Variants in MEIKIN observed in about 807,000 individuals in gnomAD.
MEIKIN encodes the protein meiotic kinetochore factor.
chr5:131,893,541 G>A (rs1445869307), intron 8 of MEIKIN, among the ~76,000 whole-genome samples: 1 of 152,188 alleles, frequency 6.6e-6, no homozygotes, highest in African/African-American at 2.4e-5. Flanking sequence ...GCACTTCCCG[G>A]GTGAGGCGAT....
chr5:131,826,121 C>G (rs1749605224), intron 11 of MEIKIN, among the ~76,000 whole-genome samples: 1 of 128,232 alleles, frequency 7.8e-6, no homozygotes, highest in Non-Finnish European at 1.6e-5. Flanking sequence ...GAGATGGGAT[C>G]TCGCTATATT....
At chr5:131,908,009 A>T (rs1751271389) in intron 8 of MEIKIN, among the ~76,000 whole-genome samples, 1 of 152,252 alleles carries the variant, frequency 6.6e-6, no homozygotes, top group Non-Finnish European at 1.5e-5. Context: ...AAATATTTAA[A>T]GAAGTACTAA....
At chr5:131,895,350 T>C (rs1272535273) in intron 8 of MEIKIN, among the ~76,000 whole-genome samples, 1 of 152,214 alleles carries the variant, frequency 6.6e-6, no homozygotes, top group Admixed American at 6.5e-5. Context: ...TAAAATTCTC[T>C]TTTTTCATTG....
chr5:131,871,404 C>T (rs1750495234), intron 9 of MEIKIN, among the ~76,000 whole-genome samples: 1 of 152,222 alleles, frequency 6.6e-6, no homozygotes, highest in Non-Finnish European at 1.5e-5. Context: ...TCATTGCTAG[C>T]ATAGCAGACT....
chr5:131,871,549 T>G (rs1580882225), intron 9 of MEIKIN, among the ~76,000 whole-genome samples: 1 of 152,338 alleles, frequency 6.6e-6, no homozygotes, highest in Non-Finnish European at 1.5e-5. Context: ...CCTGCCTGCC[T>G]CTGTAGGCTC....
At chr5:131,864,466 C>T (rs746807921) in intron 9 of MEIKIN, among the ~76,000 whole-genome samples, 39 of 152,172 alleles carry the variant, frequency 2.6e-4, no homozygotes, top group Non-Finnish European at 5.0e-4. Flanking sequence ...TTTATTTCTC[C>T]TTCATTGGTG....
At chr5:131,898,004 G>T (rs1304035956) in intron 8 of MEIKIN, among the ~76,000 whole-genome samples, 1 of 152,158 alleles carries the variant, frequency 6.6e-6, no homozygotes, top group Non-Finnish European at 1.5e-5. Flanking sequence ...AGAATTTTCT[G>T]CTTTTCTGCT....
chr5:131,866,095 A>G (rs1423065099), intron 9 of MEIKIN, among the ~76,000 whole-genome samples: 1 of 152,230 alleles, frequency 6.6e-6, no homozygotes. Flanking sequence ...TGGAGTGTGC[A>G]TGGCATGGCC....
At chr5:131,915,667 G>A (rs188693012) in intron 7 of MEIKIN, among the ~76,000 whole-genome samples, 49 of 152,268 alleles carry the variant, frequency 3.2e-4, no homozygotes, top group African/African-American at 1.2e-3. Flanking sequence ...GAGAAAATCC[G>A]AGATTCAGCA....
chr5:131,914,754 AC>A (rs1226932209), intron 7 of MEIKIN, among the ~76,000 whole-genome samples: 1 of 152,156 alleles, frequency 6.6e-6, no homozygotes, highest in Non-Finnish European at 1.5e-5. Flanking sequence ...TCTCTCCTCC[AC>A]ACCTTCCAGT....
intron 8 of MEIKIN, among the ~76,000 whole-genome samples, chr5:131,909,136 C>T (rs1580902278): frequency 6.6e-6 from 1 of 152,208 alleles, no homozygotes; most frequent in East Asian, 1.9e-4. Context: ...AATAACAAAA[C>T]TGAGAAATCA....
chr5:131,935,842 TA>T (rs1454162064), intron 4 of MEIKIN, among the ~76,000 whole-genome samples: 1 of 152,158 alleles, frequency 6.6e-6, no homozygotes, highest in Non-Finnish European at 1.5e-5. Context: ...CTGGAACACT[TA>T]AATTGACTGA....
At chr5:131,890,227 G>T (rs1417130996) in intron 8 of MEIKIN, among the ~76,000 whole-genome samples, 1 of 152,176 alleles carries the variant, frequency 6.6e-6, no homozygotes. Flanking sequence ...AATGATTTAG[G>T]GAGGATTCCC....
intron 11 of MEIKIN, among the ~76,000 whole-genome samples, chr5:131,839,621 T>C (rs914923407): frequency 6.6e-6 from 1 of 152,224 alleles, no homozygotes; most frequent in Non-Finnish European, 1.5e-5. Flanking sequence ...CTTGTCTTTT[T>C]TGATCTTTGT....
At chr5:131,863,765 T>C (rs79460695) in intron 9 of MEIKIN, among the ~76,000 whole-genome samples, 4,061 of 152,144 alleles carry the variant, frequency 0.027, 187 homozygotes, top group African/African-American at 0.091. Flanking sequence ...GAGAGATAAC[T>C]GAATCATGGG....
chr5:131,848,814 T>A (rs1489590839), intron 11 of MEIKIN, among the ~76,000 whole-genome samples: 1 of 152,162 alleles, frequency 6.6e-6, no homozygotes, highest in African/African-American at 2.4e-5. Flanking sequence ...TTAAAATTAT[T>A]ATAGGCCACA....
At chr5:131,872,542 G>T (rs182215005) in intron 9 of MEIKIN, among the ~76,000 whole-genome samples, 1 of 152,300 alleles carries the variant, frequency 6.6e-6, no homozygotes, top group East Asian at 1.9e-4. Flanking sequence ...TGAAAGTGAC[G>T]GGGAGAATGG....
intron 10 of MEIKIN, among the ~76,000 whole-genome samples, chr5:131,853,442 C>T (rs1167384406): frequency 6.6e-6 from 1 of 152,080 alleles, no homozygotes; most frequent in Admixed American, 6.6e-5. Context: ...CTTGATGACA[C>T]TGGATTTGAT....
At chr5:131,910,659 T>C (rs1280588372) in intron 8 of MEIKIN, among the ~76,000 whole-genome samples, 2 of 152,082 alleles carry the variant, frequency 1.3e-5, no homozygotes, top group South Asian at 2.1e-4. Flanking sequence ...GTGATTATTA[T>C]GCATTGCATG....
Sources: gnomAD v4.1 joint callset for allele counts (sites outside exome capture counted in the v4.1 genomes callset) on GRCh38, gnomAD v4.1.1 for gene constraint, MANE v1.5 for transcripts, NCBI Gene and HGNC (gene_info 2026-07-23, HGNC 2026-07-21) for gene names.